The following AHNAK variants were observed in gnomAD, a reference collection of about 807,000 sequenced individuals.
The protein encoded by AHNAK is neuroblast differentiation-associated protein AHNAK.
AHNAK carries 23 observed loss-of-function variants against 37.8 expected under a neutral mutation model. The ratio of observed to expected loss-of-function variants is 0.61; its 90% CI spans 0.44 to 0.86. AHNAK has a LOEUF of 0.86. Among genes scored for constraint, AHNAK ranks in the 40% least tolerant of loss-of-function variants. The probability of loss-of-function intolerance (pLI) is 0.00; values close to 1 mark genes in which losing one functional copy is unlikely to be tolerated. For missense variants in AHNAK, 7,411 were observed against 7,319.4 expected, an observed-to-expected ratio of 1.01 and a Z score of -0.46; for synonymous variants, 2,481 against 2,636.3, an observed-to-expected ratio of 0.94 and a Z score of 1.80.
Position 62,524,473 on chromosome 11 carries a change from C to T in AHNAK, c.9944G>A (p.Gly3315Glu). Residue 3315 changes from glycine (G) to glutamate (E), a missense_variant, in exon 5 of 5, where the codon GGG (glycine) becomes GAG (glutamate). Coordinates refer to ENST00000378024, the MANE Select transcript of AHNAK (RefSeq NM_001620.3). ...SKLKGDVDVS[G>E]PKLEGDIKAP... ...TTTAATGTCACCTTCCAACTTGGGCCCAGAGACATCAACATCTCCCTTAAG... is the reference window on the plus strand; with the variant it reads ...TTTAATGTCACCTTCCAACTTGGGCTCAGAGACATCAACATCTCCCTTAAG... 1 of 1,613,946 alleles carries T rather than the reference C, an allele frequency of 6.2e-7. No homozygotes were observed. Among genetic ancestry groups the T allele is most frequent in the Non-Finnish European group, 8.5e-7 (1 of 1,179,978 alleles).
In AHNAK at chr11:62,526,237, A is replaced by G; in HGVS notation, c.8180T>C (p.Val2727Ala). ...GTCACCTTCCACTTTAGGAAGGGAA[A>G]CATCCACATCACCCTTCACTTTGGG... is the stretch of plus-strand genomic sequence containing the variant. ...KGPKVKGDVD[V>A]SLPKVEGDLK... The change falls in exon 5 of 5, where the codon GTT becomes GCT. Residue 2727 changes from valine (V) to alanine (A), a missense_variant. By Grantham distance (64) the Val-to-Ala change is moderately conservative. Coordinates refer to ENST00000378024, the MANE Select transcript of AHNAK (RefSeq NM_001620.3). 1 of 1,613,852 alleles carries G rather than the reference A, an allele frequency of 6.2e-7. No individual in the cohort carries two copies. The highest frequency in any genetic ancestry group is 1.1e-5 in the South Asian group (1 of 91,046).
chr11:62,495,310 C>T (rs1939586820), intron 4 of AHNAK, among the ~76,000 whole-genome samples: 1 of 152,148 alleles, frequency 6.6e-6, no homozygotes, highest in African/African-American at 2.4e-5. Flanking sequence ...GAAAAAAAAT[C>T]CAAGCCAAAG....
chr11:62,437,397 C>A (rs1938197339), intron 5 of AHNAK, among the ~76,000 whole-genome samples: 1 of 151,912 alleles, frequency 6.6e-6, no homozygotes, highest in South Asian at 2.1e-4. Flanking sequence ...ACTCTGTCTG[C>A]CAGGCTGGAG....
chr11:62,465,783 A>T (rs1938899354), intron 5 of AHNAK, among the ~76,000 whole-genome samples: 1 of 152,294 alleles, frequency 6.6e-6, no homozygotes, highest in East Asian at 1.9e-4. Flanking sequence ...AATTGGAGTT[A>T]TGCTGCTCTA....
At chr11:62,486,038 AAG>A (rs1472025994) in intron 5 of AHNAK, among the ~76,000 whole-genome samples, 1 of 150,510 alleles carries the variant, frequency 6.6e-6, no homozygotes, top group Admixed American at 6.7e-5. Flanking sequence ...AAAAAAAAAA[AAG>A]AGAGAGAGAG....
intron 5 of AHNAK, among the ~76,000 whole-genome samples, chr11:62,440,846 A>G (rs937875416): frequency 6.6e-6 from 1 of 152,180 alleles, no homozygotes; most frequent in African/African-American, 2.4e-5. Context: ...ACTATGTGCC[A>G]GACACTATTT....
At chr11:62,538,145 G>T (rs962538021) in intron 1 of AHNAK, among the ~76,000 whole-genome samples, 1 of 152,058 alleles carries the variant, frequency 6.6e-6, no homozygotes, top group Non-Finnish European at 1.5e-5. Flanking sequence ...GACCAGGGGG[G>T]TGCCTCACCA....
chr11:62,466,743 G>A (rs1268695823), intron 5 of AHNAK, among the ~76,000 whole-genome samples: 1 of 152,082 alleles, frequency 6.6e-6, no homozygotes, highest in Non-Finnish European at 1.5e-5. Context: ...CCAGGCCTGG[G>A]ATATGATAGA....
At chr11:62,484,165 C>T (rs111350190) in intron 5 of AHNAK, among the ~76,000 whole-genome samples, 8 of 151,968 alleles carry the variant, frequency 5.3e-5, no homozygotes, top group Non-Finnish European at 8.8e-5. Context: ...TCACTTGAGA[C>T]CAAGAGCTCA....
At chr11:62,450,598 C>T (rs1458121966) in intron 5 of AHNAK, among the ~76,000 whole-genome samples, 2 of 152,250 alleles carry the variant, frequency 1.3e-5, no homozygotes, top group African/African-American at 4.8e-5. Flanking sequence ...CAAACTACAG[C>T]TCCAGCTGTG....
intron 5 of AHNAK, among the ~76,000 whole-genome samples, chr11:62,468,433 G>T (rs1387141321): frequency 6.6e-6 from 1 of 151,974 alleles, no homozygotes; most frequent in Non-Finnish European, 1.5e-5. Flanking sequence ...TAGGGTTGGG[G>T]TGCATAATGT....
At position 62,530,056 on chromosome 11, in the gene AHNAK, G is replaced by C. The variant is rs757347076; in HGVS notation, c.4361C>G (p.Pro1454Arg). ...MSIKPQKISI[P>R]DVGLHLKGPK... ...ACCTTTCAAATGCAAACCAACATCT[G>C]GTATGGATATCTTCTGAGGCTTTAT... The change falls in exon 5 of 5, where the codon CCA becomes CGA. Residue 1454 changes from proline to arginine, a missense_variant. Physicochemically the swap from Pro to Arg is moderately radical, Grantham distance 103 (BLOSUM62 -2). Transcript: ENST00000378024. 3 of 1,613,800 alleles carry C rather than the reference G, an allele frequency of 1.9e-6. No individual in the cohort carries two copies. The highest frequency in any genetic ancestry group is 2.5e-6 in the Non-Finnish European group (3 of 1,179,948).
At position 62,521,017 on chromosome 11, in the gene AHNAK, T is replaced by G. The variant is rs1203064230; in HGVS notation, c.13400A>C (p.His4467Pro). Residue 4467 changes from histidine to proline, a missense_variant, in exon 5 of 5, where the codon CAC becomes CCC. Transcript: ENST00000378024. The part of the protein sequence containing the change: ...PKISMPDFDL[H>P]LKGPKVKGDV... ...ACCCTTCACCTTGGGACCTTTCAGG[T>G]GCAAATCAAAGTCAGGCATAGAGAT... 3 of 1,614,014 alleles carry G rather than the reference T, an allele frequency of 1.9e-6. No homozygotes were observed. Among genetic ancestry groups the G allele is most frequent in the Non-Finnish European group, 2.5e-6 (3 of 1,180,040 alleles).
At chr11:62,495,104 C>A (rs565996273) in intron 4 of AHNAK, among the ~76,000 whole-genome samples, 1 of 151,868 alleles carries the variant, frequency 6.6e-6, no homozygotes, top group African/African-American at 2.4e-5. Flanking sequence ...GAAGTCAAGG[C>A]TACAGTGAGC....
chr11:62,485,374 A>G (rs1452150143), intron 5 of AHNAK, among the ~76,000 whole-genome samples: 1 of 152,052 alleles, frequency 6.6e-6, no homozygotes, highest in African/African-American at 2.4e-5. Context: ...CTTGGGTCAC[A>G]GAGTGAGACC....
intron 5 of AHNAK, among the ~76,000 whole-genome samples, chr11:62,475,588 G>A (rs1392040559): frequency 7.4e-6 from 1 of 135,052 alleles, no homozygotes; most frequent in Non-Finnish European, 1.6e-5. Flanking sequence ...TTAAATAAAT[G>A]TGGTTATGTT....
chr11:62,479,037 G>A (rs753597495), intron 5 of AHNAK, among the ~76,000 whole-genome samples: 4 of 151,928 alleles, frequency 2.6e-5, no homozygotes, highest in Non-Finnish European at 2.9e-5. Context: ...CACTGCGCTC[G>A]GCTAATTTCT....
intron 5 of AHNAK, among the ~76,000 whole-genome samples, chr11:62,457,568 G>T (rs1160913455): frequency 6.6e-6 from 1 of 152,154 alleles, no homozygotes; most frequent in African/African-American, 2.4e-5. Context: ...GGCGGAGGTT[G>T]CAGTGAGCCA....
chr11:62,494,294 T>C (rs1482429297), intron 4 of AHNAK, among the ~76,000 whole-genome samples: 1 of 152,136 alleles, frequency 6.6e-6, no homozygotes, highest in East Asian at 1.9e-4. Flanking sequence ...ATGTGATGAC[T>C]CTTCTTTTTA....
Sources: gnomAD v4.1 joint callset for allele counts (sites outside exome capture counted in the v4.1 genomes callset) on GRCh38, gnomAD v4.1.1 for gene constraint, MANE v1.5 for transcripts, NCBI Gene and HGNC (gene_info 2026-07-23, HGNC 2026-07-21) for gene names.